Variants in WWOX observed in about 807,000 individuals in gnomAD.
The protein encoded by WWOX is WW domain containing oxidoreductase.
Under a neutral mutation model 46.2 loss-of-function variants are expected in WWOX, and 69 were observed. The observed-to-expected ratio is 1.49, with a 90% CI of 1.23 to 1.82. WWOX has a LOEUF of 1.82. WWOX is among the 40% of genes most tolerant of loss of function. The pLI, the probability that WWOX is intolerant of heterozygous loss-of-function variation, is 0.00. For missense variants in WWOX, 919 were observed against 542.6 expected, an observed-to-expected ratio of 1.69 and a Z score of -6.89; for synonymous variants, 359 against 202.6, an observed-to-expected ratio of 1.77 and a Z score of -6.56.
At chr16:79,137,516 G>A (rs1325406860) in intron 8 of WWOX, among the ~76,000 whole-genome samples, 1 of 152,162 alleles carries the variant, frequency 6.6e-6, no homozygotes, top group Admixed American at 6.5e-5. Context: ...GGAGTGACAT[G>A]TTGGACCCGT....
At chr16:78,930,287 AT>A (rs71140846) in intron 8 of WWOX, among the ~76,000 whole-genome samples, 5,072 of 90,166 alleles carry the variant, frequency 0.056, 471 homozygotes, top group African/African-American at 0.2. Context: ...TTCTTTTTTT[AT>A]TTTTTTTTTC....
chr16:78,230,850 T>G (rs1185172447), intron 5 of WWOX, among the ~76,000 whole-genome samples: 1 of 152,244 alleles, frequency 6.6e-6, no homozygotes, highest in Non-Finnish European at 1.5e-5. Context: ...GTATATATTT[T>G]CCACACATTT....
chr16:78,504,666 A>C (rs892507441), intron 8 of WWOX, among the ~76,000 whole-genome samples: 1 of 152,094 alleles, frequency 6.6e-6, no homozygotes, highest in African/African-American at 2.4e-5. Flanking sequence ...TCCTGAACAC[A>C]TCTCTGTGCA....
At chr16:79,053,207 G>T (rs1412547677) in intron 8 of WWOX, among the ~76,000 whole-genome samples, 1 of 152,124 alleles carries the variant, frequency 6.6e-6, no homozygotes, top group Non-Finnish European at 1.5e-5. Flanking sequence ...AGATGGGGAG[G>T]CCAGGGTGTG....
At chr16:78,430,479 T>C (rs2083189798) in intron 7 of WWOX, among the ~76,000 whole-genome samples, 1 of 152,188 alleles carries the variant, frequency 6.6e-6, no homozygotes, top group African/African-American at 2.4e-5. Context: ...AGGCTTTTCA[T>C]CTCCATGAGT....
chr16:79,122,955 C>G (rs1351392319), intron 8 of WWOX, among the ~76,000 whole-genome samples: 1 of 152,222 alleles, frequency 6.6e-6, no homozygotes, highest in African/African-American at 2.4e-5. Flanking sequence ...TCGCCATCCA[C>G]ATGGTCATTG....
intron 8 of WWOX, among the ~76,000 whole-genome samples, chr16:78,967,159 C>G (rs13339425): frequency 1.3e-5 from 2 of 152,006 alleles, no homozygotes; most frequent in South Asian, 2.1e-4. Context: ...ACCTGCCTCT[C>G]TGAGAAGCCC....
intron 8 of WWOX, among the ~76,000 whole-genome samples, chr16:78,474,652 A>G (rs765679076): frequency 2.0e-5 from 3 of 152,188 alleles, no homozygotes; most frequent in Non-Finnish European, 1.5e-5. Flanking sequence ...CAGTCTATTC[A>G]GAGTTGTGCA....
intron 8 of WWOX, among the ~76,000 whole-genome samples, chr16:79,119,872 G>A (rs918206337): frequency 5.3e-5 from 8 of 152,146 alleles, no homozygotes; most frequent in African/African-American, 7.2e-5. Context: ...TTTATTAGGG[G>A]TTTACCTACA....
In WWOX at chr16:78,550,294, A is replaced by G. The variant is rs113344033; in HGVS notation, c.1056+117542A>G. ...TAGAACAGCATCTGCAAACTTTGCA[A>G]AGGTTCACATGATAAATATTTTCTG... On this transcript the variant is annotated intron_variant, in intron 8 of 8. Transcript: ENST00000566780. Among the ~76,000 whole-genome samples the G allele has an allele frequency of 2.9e-4, 44 of 152,336 alleles. 1 individual carries two copies. Among genetic ancestry groups the G allele is most frequent in the African/African-American group, 9.6e-4 (40 of 41,574 alleles).
At position 78,917,068 on chromosome 16, in the gene WWOX, C is replaced by G. The variant is rs117446594; in HGVS notation, c.1057-294540C>G. On this transcript the variant is annotated intron_variant, in intron 8 of 8. Transcript: ENST00000566780. The stretch of plus-strand genomic sequence containing the variant: ...GTTGACTCTTCTAAACCACATCTTT[C>G]CAGATTCAATATAGTAGGAGAAGAC... Among the ~76,000 whole-genome samples, 449 of 152,272 alleles carry G rather than the reference C, an allele frequency of 2.9e-3. 10 individuals are homozygous for G. The East Asian group carries it at 0.061, about 21-fold the overall frequency.
At chr16:78,979,544 G>C (rs537233515) in intron 8 of WWOX, among the ~76,000 whole-genome samples, 13 of 152,272 alleles carry the variant, frequency 8.5e-5, no homozygotes, top group African/African-American at 2.9e-4. Flanking sequence ...ATCAGCTAGC[G>C]ATGGCTAAGG....
At chr16:78,564,217 G>A in intron 8 of WWOX, among the ~76,000 whole-genome samples, 1 of 152,214 alleles carries the variant, frequency 6.6e-6, no homozygotes, top group Non-Finnish European at 1.5e-5. Context: ...TAATATTTGT[G>A]ATGGTTCATT....
chr16:78,666,253 C>T (rs1383992496), intron 8 of WWOX, among the ~76,000 whole-genome samples: 1 of 152,068 alleles, frequency 6.6e-6, no homozygotes, highest in Non-Finnish European at 1.5e-5. Context: ...CCTGCCACTG[C>T]ACTCTAGCCT....
chr16:79,114,921 C>G (rs2049484399), intron 8 of WWOX, among the ~76,000 whole-genome samples: 2 of 152,138 alleles, frequency 1.3e-5, no homozygotes, highest in Non-Finnish European at 2.9e-5. Flanking sequence ...GAGGCAGGAG[C>G]CGGGGCTGCA....
At chr16:78,105,326 G>T (rs1479731665) in intron 1 of WWOX, among the ~76,000 whole-genome samples, 1 of 152,154 alleles carries the variant, frequency 6.6e-6, no homozygotes, top group Non-Finnish European at 1.5e-5. Flanking sequence ...TCCCGGCATG[G>T]TGGCAGGTGC....
At chr16:78,628,808 G>C (rs1288755793) in intron 8 of WWOX, among the ~76,000 whole-genome samples, 3 of 152,158 alleles carry the variant, frequency 2.0e-5, no homozygotes, top group Non-Finnish European at 4.4e-5. Flanking sequence ...TGATGCCGAC[G>C]ACTAGCCAGG....
intron 8 of WWOX, among the ~76,000 whole-genome samples, chr16:79,078,673 GTC>G (rs1188216509): frequency 1.3e-5 from 2 of 152,308 alleles, no homozygotes; most frequent in East Asian, 3.9e-4. Context: ...TGAATTTGTT[GTC>G]TGTGTTTAAA....
At chr16:78,599,046 C>A (rs2045560323) in intron 8 of WWOX, among the ~76,000 whole-genome samples, 2 of 152,132 alleles carry the variant, frequency 1.3e-5, no homozygotes, top group South Asian at 4.1e-4. Flanking sequence ...TCAAACTGGA[C>A]TTTGGGGCTC....
Sources: gnomAD v4.1 joint callset for allele counts (sites outside exome capture counted in the v4.1 genomes callset) on GRCh38, gnomAD v4.1.1 for gene constraint, MANE v1.5 for transcripts, NCBI Gene and HGNC (gene_info 2026-07-23, HGNC 2026-07-21) for gene names.